The following QKI variants were observed in gnomAD, a reference collection of about 807,000 sequenced individuals.
QKI encodes KH domain-containing RNA-binding protein QKI.
Under a neutral mutation model 39.0 loss-of-function variants are expected in QKI, and 10 were observed. That is an observed-to-expected ratio of 0.26 (90% CI 0.16 to 0.43). The LOEUF is 0.43. Among genes scored for constraint, QKI ranks in the 20% least tolerant of loss-of-function variants. The probability of loss-of-function intolerance (pLI) is 1.00; values close to 1 mark genes in which losing one functional copy is unlikely to be tolerated. For missense variants in QKI, 218 were observed against 428.0 expected, an observed-to-expected ratio of 0.51 and a Z score of 4.33; for synonymous variants, 204 against 155.4, an observed-to-expected ratio of 1.31 and a Z score of -2.33.
chr6:163,489,157 G>GT (rs368383400), intron 3 of QKI, among the ~76,000 whole-genome samples: 2,558 of 119,310 alleles, frequency 0.021, 54 homozygotes, highest in African/African-American at 0.056. Flanking sequence ...GCCTTTATTC[G>GT]TTTTTTTTTT....
At chr6:163,433,504 T>C (rs1788999443) in intron 1 of QKI, among the ~76,000 whole-genome samples, 1 of 152,174 alleles carries the variant, frequency 6.6e-6, no homozygotes, top group African/African-American at 2.4e-5. Context: ...CGGTGGCTCA[T>C]GCCTGTAATC....
At chr6:163,500,536 G>C (rs1202339809) in intron 3 of QKI, among the ~76,000 whole-genome samples, 1 of 152,086 alleles carries the variant, frequency 6.6e-6, no homozygotes. Context: ...GTCTTCTTCA[G>C]GAGGGACTAA....
At chr6:163,470,416 ATAG>A (rs557226172) in intron 2 of QKI, among the ~76,000 whole-genome samples, 3 of 152,150 alleles carry the variant, frequency 2.0e-5, no homozygotes, top group Non-Finnish European at 4.4e-5. Context: ...GTTGCTAGTA[ATAG>A]TAGGTGCCTG....
chr6:163,464,258 C>A (rs9346960), intron 2 of QKI, among the ~76,000 whole-genome samples: 1 of 150,790 alleles, frequency 6.6e-6, no homozygotes, highest in Non-Finnish European at 1.5e-5. Context: ...TTTTCATTCT[C>A]GCAGTAAAAA....
At chr6:163,481,774 A>G (rs1471752037) in intron 3 of QKI, among the ~76,000 whole-genome samples, 1 of 152,226 alleles carries the variant, frequency 6.6e-6, no homozygotes, top group African/African-American at 2.4e-5. Context: ...TCATGGAACC[A>G]GGGCTTGAAA....
At chr6:163,551,228 C>T (rs1032817207) in intron 4 of QKI, among the ~76,000 whole-genome samples, 2 of 152,144 alleles carry the variant, frequency 1.3e-5, no homozygotes, top group African/African-American at 2.4e-5. Context: ...CCACCAGCAG[C>T]CAGTCAGTTC....
chr6:163,415,830 C>G (rs888832999), intron 1 of QKI: 8 of 469,836 alleles, frequency 1.7e-5, no homozygotes, highest in Non-Finnish European at 3.4e-5. Context: ...GCTCTCCCCT[C>G]CCGTGAGGAC....
intron 1 of QKI, among the ~76,000 whole-genome samples, chr6:163,440,983 T>C (rs9458827): frequency 0.079 from 11,974 of 152,240 alleles, 531 homozygotes; most frequent in Middle Eastern, 0.12. Flanking sequence ...AATATATTTT[T>C]ACTAAATATA....
chr6:163,448,084 T>C (rs902064944), intron 1 of QKI, among the ~76,000 whole-genome samples: 7 of 152,212 alleles, frequency 4.6e-5, no homozygotes, highest in Admixed American at 2.6e-4. Flanking sequence ...TAGGTACTTC[T>C]GTAATACAGA....
chr6:163,476,511 T>C (rs938527540), intron 2 of QKI, among the ~76,000 whole-genome samples: 6 of 152,248 alleles, frequency 3.9e-5, no homozygotes, highest in African/African-American at 9.6e-5. Flanking sequence ...CCTAAAGTGC[T>C]AGTCTTTGAG....
intron 4 of QKI, among the ~76,000 whole-genome samples, chr6:163,544,288 G>A (rs1781729727): frequency 6.6e-6 from 1 of 152,004 alleles, no homozygotes; most frequent in Non-Finnish European, 1.5e-5. Flanking sequence ...GTAGACTGGA[G>A]CATGTGCGTA....
At chr6:163,499,132 G>A (rs886172791) in intron 3 of QKI, among the ~76,000 whole-genome samples, 4 of 152,096 alleles carry the variant, frequency 2.6e-5, no homozygotes, top group Non-Finnish European at 5.9e-5. Context: ...ATTTTGAAGC[G>A]TTTTGTTTTT....
chr6:163,453,819 A>G (rs922948105), intron 1 of QKI, among the ~76,000 whole-genome samples: 4 of 152,214 alleles, frequency 2.6e-5, no homozygotes, highest in African/African-American at 7.2e-5. Flanking sequence ...AAAATTTGTA[A>G]TATGAATATT....
At chr6:163,529,680 G>A (rs1260779154) in intron 3 of QKI, among the ~76,000 whole-genome samples, 1 of 152,144 alleles carries the variant, frequency 6.6e-6, no homozygotes, top group African/African-American at 2.4e-5. Flanking sequence ...AGCCTATCGT[G>A]GGAAGTGAAT....
intron 1 of QKI, among the ~76,000 whole-genome samples, chr6:163,449,988 CAT>C (rs528359418): frequency 1.8e-3 from 273 of 151,902 alleles, no homozygotes; most frequent in Middle Eastern, 0.014. Context: ...TTGGATTTAA[CAT>C]ATGTGTGTAT....
At chr6:163,524,346 AAGCT>A (rs1780338112) in intron 3 of QKI, among the ~76,000 whole-genome samples, 1 of 98,700 alleles carries the variant, frequency 1.0e-5, no homozygotes, top group African/African-American at 2.8e-5. Flanking sequence ...AAATTATCTT[AAGCT>A]ACTCTTTTTA....
chr6:163,563,297 A>G, intron 5 of QKI, 123 bp from the exon 6 acceptor site: 1 of 894,434 alleles, frequency 1.1e-6, no homozygotes, highest in East Asian at 2.6e-5. Context: ...CGCATGTACT[A>G]ATGATTTCCT....
At position 163,566,568 on chromosome 6, in the gene QKI, T is replaced by A. The variant is rs149812234; in HGVS notation, c.935-153T>A. 859 of 1,505,138 alleles carry A rather than the reference T, an allele frequency of 5.7e-4. 10 individuals carry two copies. In the East Asian group the frequency reaches 0.019, roughly 34 times the overall value. The allele number at this position is 1,505,138 out of a possible 1,614,324, so 93.2% of individuals were successfully genotyped here. Reference sequence around the variant, plus strand: ...AGATGCATATATACATGACATATTGTGGTTAATTTTAAAACTACTGTGCCT... The same window carrying A: ...AGATGCATATATACATGACATATTGAGGTTAATTTTAAAACTACTGTGCCT... On this transcript the variant is annotated intron_variant, in intron 6 of 7. Coordinates refer to ENST00000361752, the MANE Select transcript of QKI (RefSeq NM_006775.3).
Position 163,420,908 on chromosome 6 carries a change from G to T in QKI, c.142+5573G>T, listed in dbSNP as rs73013601. Among the ~76,000 whole-genome samples the T allele has an allele frequency of 8.7e-3, 1,325 of 152,172 alleles. 10 individuals carry two copies. The highest frequency in any genetic ancestry group is 0.02 in the Middle Eastern group (6 of 294). ...TGGAGTGATCATTATAGTTAGCATT[G>T]GAATATTATTACCTGTCTGCCCTCT... On this transcript the variant is annotated intron_variant, in intron 1 of 7. Transcript: ENST00000361752.
Sources: allele counts gnomAD v4.1 joint callset (sites outside exome capture counted in the v4.1 genomes callset), GRCh38; gene constraint gnomAD v4.1.1; transcripts MANE v1.5; gene names NCBI Gene and HGNC (gene_info 2026-07-23, HGNC 2026-07-21).